Variants in FAM210A observed in about 807,000 individuals in gnomAD.
FAM210A encodes family with sequence similarity 210 member A.
FAM210A carries 13 observed loss-of-function variants against 25.3 expected under a neutral mutation model. The observed-to-expected ratio is 0.51, with a 90% CI of 0.33 to 0.82. The LOEUF (loss-of-function observed/expected upper bound fraction) is 0.82, where lower values mean the gene tolerates loss of function less well. Ranked by LOEUF, FAM210A falls within the 40% of genes least tolerant of loss-of-function variation. FAM210A has a pLI of 0.02. For missense variants in FAM210A, 319 were observed against 323.2 expected, an observed-to-expected ratio of 0.99 and a Z score of 0.10; for synonymous variants, 125 against 118.7, an observed-to-expected ratio of 1.05 and a Z score of -0.35.
At position 13,705,308 on chromosome 18, in the gene FAM210A, C is replaced by A. The variant is rs143421375; in HGVS notation, c.-29+21021G>T. On this transcript the variant is annotated intron_variant, in intron 1 of 3. Transcript: ENST00000651643. Reference sequence around the variant, plus strand: ...GGCATTCAAGAGGACATAAGTCTAACGTTAATTAAGCATGGACACATGGAG... The same window carrying A: ...GGCATTCAAGAGGACATAAGTCTAAAGTTAATTAAGCATGGACACATGGAG... Among the ~76,000 whole-genome samples the A allele has an allele frequency of 6.5e-4, 99 of 152,260 alleles. 1 individual carries two copies. Among genetic ancestry groups the A allele is most frequent in the African/African-American group, 2.3e-3 (94 of 41,542 alleles).
intron 1 of FAM210A, among the ~76,000 whole-genome samples, chr18:13,683,527 C>T (rs562611674): frequency 2.1e-3 from 318 of 150,504 alleles, no homozygotes; most frequent in Non-Finnish European, 3.4e-3. Context: ...AACAGCTACT[C>T]CACTCCAGCC....
chr18:13,669,621 G>A (rs564194012), intron 3 of FAM210A, among the ~76,000 whole-genome samples: 12 of 152,126 alleles, frequency 7.9e-5, no homozygotes, highest in Admixed American at 5.9e-4. Flanking sequence ...CATCATCTAC[G>A]TACACACACT....
rs751584591 is a variant in FAM210A, at chr18:13,681,922, T to C, written c.156A>G (p.Gln52=). Residue 52 remains glutamine, a synonymous_variant, in exon 2 of 4, where the codon CAA becomes CAG. Transcript: ENST00000651643. ...ESKVVLVQGP[Q]KQWLHLSAAQ... Reference sequence around the variant, plus strand: ...CAGCAGATAAATGCAACCATTGTTTTTGAGGGCCTTGTACCAAAACCACTT... The same window carrying C: ...CAGCAGATAAATGCAACCATTGTTTCTGAGGGCCTTGTACCAAAACCACTT... 4 of 1,614,084 alleles carry C rather than the reference T, an allele frequency of 2.5e-6. No homozygotes were observed. The East Asian group carries it at 8.9e-5, about 36-fold the overall frequency.
At chr18:13,673,669 TTA>T (rs2043463994) in intron 2 of FAM210A, among the ~76,000 whole-genome samples, 2 of 89,116 alleles carry the variant, frequency 2.2e-5, no homozygotes, top group Non-Finnish European at 6.7e-5. Flanking sequence ...AGTTTCCTGA[TTA>T]TTAACATTCC....
chr18:13,703,036 C>T (rs1446134966), intron 1 of FAM210A, among the ~76,000 whole-genome samples: 1 of 152,180 alleles, frequency 6.6e-6, no homozygotes, highest in African/African-American at 2.4e-5. Flanking sequence ...TTGGGAAAAA[C>T]AGGAGGCACC....
intron 1 of FAM210A, among the ~76,000 whole-genome samples, chr18:13,694,679 A>C (rs1373603899): frequency 2.6e-5 from 4 of 152,244 alleles, no homozygotes; most frequent in Non-Finnish European, 5.9e-5. Context: ...GAAAGCTGAA[A>C]CTGGATCCCT....
chr18:13,674,134 A>C (rs75551492), intron 2 of FAM210A, among the ~76,000 whole-genome samples: 99 of 58,780 alleles, frequency 1.7e-3, no homozygotes, highest in East Asian at 3.2e-3. Context: ...TCCTGAGCCC[A>C]GGCTTCTTTA....
At chr18:13,702,134 C>T (rs899507320) in intron 1 of FAM210A, among the ~76,000 whole-genome samples, 11 of 152,192 alleles carry the variant, frequency 7.2e-5, no homozygotes, top group African/African-American at 2.4e-4. Context: ...CACAGGGCCA[C>T]TCAGAGGAAG....
intron 1 of FAM210A, among the ~76,000 whole-genome samples, chr18:13,724,315 A>C (rs1291547407): frequency 1.3e-5 from 2 of 152,220 alleles, no homozygotes; most frequent in South Asian, 2.1e-4. Flanking sequence ...GAGTCTGGTC[A>C]ATCAGCCAGA....
intron 1 of FAM210A, among the ~76,000 whole-genome samples, chr18:13,696,159 G>T (rs1362458025): frequency 2.6e-5 from 4 of 152,140 alleles, no homozygotes; most frequent in African/African-American, 7.2e-5. Flanking sequence ...TTGTCAGTAT[G>T]ATCTACAGAT....
chr18:13,724,681 A>G (rs1442720537), intron 1 of FAM210A, among the ~76,000 whole-genome samples: 1 of 152,250 alleles, frequency 6.6e-6, no homozygotes, highest in East Asian at 1.9e-4. Flanking sequence ...GTTAAGTTTT[A>G]TAAAAACTGA....
intron 1 of FAM210A, among the ~76,000 whole-genome samples, chr18:13,704,907 T>C (rs191753692): frequency 5.6e-4 from 86 of 152,328 alleles, no homozygotes; most frequent in African/African-American, 1.9e-3. Flanking sequence ...AATTGCTTAA[T>C]GCGGTTTCTA....
chr18:13,698,289 T>C (rs1187202024), intron 1 of FAM210A, among the ~76,000 whole-genome samples: 3 of 138,620 alleles, frequency 2.2e-5, no homozygotes, highest in Non-Finnish European at 4.6e-5. Context: ...GGGGCGGAGG[T>C]TGCACTGAGC....
intron 2 of FAM210A, among the ~76,000 whole-genome samples, chr18:13,677,626 G>T (rs907645726): frequency 1.3e-5 from 2 of 152,120 alleles, no homozygotes; most frequent in Non-Finnish European, 2.9e-5. Flanking sequence ...TCTGCTTGTG[G>T]ACTTCATTTC....
chr18:13,717,337 G>A (rs2043868841), intron 1 of FAM210A, among the ~76,000 whole-genome samples: 1 of 152,128 alleles, frequency 6.6e-6, no homozygotes, highest in South Asian at 2.1e-4. Context: ...GAGACAGAGT[G>A]TCACTCTGTT....
intron 1 of FAM210A, among the ~76,000 whole-genome samples, chr18:13,705,621 G>A (rs372953833): frequency 2.6e-5 from 4 of 152,036 alleles, no homozygotes; most frequent in African/African-American, 7.2e-5. Context: ...ACAGGCGTGT[G>A]CCACCATGCC....
chr18:13,701,421 A>T (rs2043738823), intron 1 of FAM210A, among the ~76,000 whole-genome samples: 1 of 152,216 alleles, frequency 6.6e-6, no homozygotes, highest in Non-Finnish European at 1.5e-5. Flanking sequence ...AACTGATAGT[A>T]AATGGTAATA....
intron 2 of FAM210A, among the ~76,000 whole-genome samples, chr18:13,678,853 G>A (rs2043525770): frequency 6.6e-6 from 1 of 152,186 alleles, no homozygotes; most frequent in Non-Finnish European, 1.5e-5. Flanking sequence ...ATCAATCAGG[G>A]TTTTGCCTCA....
At chr18:13,710,088 T>C (rs188029137) in intron 1 of FAM210A, among the ~76,000 whole-genome samples, 1 of 152,338 alleles carries the variant, frequency 6.6e-6, no homozygotes, top group East Asian at 1.9e-4. Flanking sequence ...GTCCTCCTTG[T>C]TTGGGTACTG....
Sources: allele counts gnomAD v4.1 joint callset (sites outside exome capture counted in the v4.1 genomes callset), GRCh38; gene constraint gnomAD v4.1.1; transcripts MANE v1.5; gene names NCBI Gene and HGNC (gene_info 2026-07-23, HGNC 2026-07-21).